MGAT4C: variants seen among roughly 807,000 people sequenced by gnomAD.
The protein encoded by MGAT4C is MGAT4 family member C.
A neutral mutation model predicts 40.1 loss-of-function variants in MGAT4C; 19 were observed. The observed-to-expected ratio is 0.47, with a 90% CI of 0.33 to 0.70. The LOEUF (loss-of-function observed/expected upper bound fraction) is 0.70, where lower values mean the gene tolerates loss of function less well. Ranked by LOEUF, MGAT4C falls within the 30% of genes least tolerant of loss-of-function variation. MGAT4C has a pLI of 0.02. For missense variants in MGAT4C, 491 were observed against 563.2 expected (o/e 0.87, Z 1.30); for synonymous variants, 181 against 187.1 (o/e 0.97, Z 0.27).
At chr12:85,990,288 T>C (rs751329978) in intron 2 of MGAT4C, among the ~76,000 whole-genome samples, 1 of 152,164 alleles carries the variant, frequency 6.6e-6, no homozygotes, top group Non-Finnish European at 1.5e-5. Context: ...AAAAAATTTT[T>C]ACTCTTCTAT....
intron 4 of MGAT4C, among the ~76,000 whole-genome samples, chr12:86,269,390 G>A (rs546040323): frequency 4.6e-5 from 7 of 151,124 alleles, no homozygotes; most frequent in African/African-American, 1.5e-4. Context: ...ATTTATATAA[G>A]TGTAGTCCTG....
intron 4 of MGAT4C, among the ~76,000 whole-genome samples, chr12:86,280,023 T>G (rs1953173715): frequency 6.6e-6 from 1 of 152,118 alleles, no homozygotes; most frequent in Non-Finnish European, 1.5e-5. Context: ...TTGAATGTTT[T>G]AAGACTTACT....
At chr12:86,131,862 C>A in intron 1 of MGAT4C, among the ~76,000 whole-genome samples, 1 of 151,962 alleles carries the variant, frequency 6.6e-6, no homozygotes, top group East Asian at 1.9e-4. Context: ...TTATAGCAGC[C>A]ATAATTAATA....
In MGAT4C at chr12:86,589,869, G is replaced by A. The variant is rs138032424; in HGVS notation, c.-229+137340C>T. ...TTACTTGGAAGTAAAATGTTCCCAA[G>A]CACAAACAAAAGCACAAGGCCTAAA... On this transcript the variant is annotated intron_variant, in intron 2 of 7. Coordinates refer to the MGAT4C transcript ENST00000548651. 3.7e-3 allele frequency among the ~76,000 whole-genome samples: 558 copies of A among 152,038 alleles called. 1 individual carries two copies. Among genetic ancestry groups the A allele is most frequent in the African/African-American group, 0.013 (530 of 41,520 alleles).
At position 86,619,878 on chromosome 12, in the gene MGAT4C, G is replaced by GA. The variant is rs541369916; in HGVS notation, c.-229+107330dup. Among the ~76,000 whole-genome samples, 466 of 152,184 alleles carry GA rather than the reference G, an allele frequency of 3.1e-3. 1 individual carries two copies. The highest frequency in any genetic ancestry group is 5.0e-3 in the Non-Finnish European group (340 of 67,964). ...CCACTAGCTTGCAAACTTATTAAGG[G>GA]AAAAAACCTTGTAAAAATCCTCTGA... On this transcript the variant is annotated intron_variant, in intron 2 of 7. Transcript: ENST00000548651.
rs138705225 is a variant in MGAT4C at position 86,382,120 on chromosome 12, T to C, written c.-119-47993A>G. ...GAGGGCTCAGAAGAATACAAGAAAA[T>C]GTGGGAACATTTGGAACTCCTGAGA... On this transcript the variant is annotated intron_variant, in intron 3 of 7. Transcript: ENST00000548651. 2.3e-3 allele frequency among the ~76,000 whole-genome samples: 351 copies of C among 152,206 alleles called. 1 individual carries two copies. Among genetic ancestry groups the C allele is most frequent in the African/African-American group, 7.8e-3 (324 of 41,526 alleles).
intron 2 of MGAT4C, among the ~76,000 whole-genome samples, chr12:86,586,782 A>C (rs1961063356): frequency 6.6e-6 from 1 of 151,652 alleles, no homozygotes; most frequent in Non-Finnish European, 1.5e-5. Context: ...TCCTTCGCCC[A>C]CTTTTTGATG....
chr12:86,621,658 T>C (rs1011003490), intron 2 of MGAT4C, among the ~76,000 whole-genome samples: 2 of 152,070 alleles, frequency 1.3e-5, no homozygotes, highest in Non-Finnish European at 2.9e-5. Flanking sequence ...TTTTATAGTT[T>C]TGTACAGACA....
At chr12:86,558,755 T>C (rs2136405456) in intron 2 of MGAT4C, among the ~76,000 whole-genome samples, 1 of 151,192 alleles carries the variant, frequency 6.6e-6, no homozygotes, top group Middle Eastern at 3.4e-3. Context: ...TAGAAAGGAG[T>C]CAAACATTAC....
intron 3 of MGAT4C, among the ~76,000 whole-genome samples, chr12:86,406,044 AATT>A (rs1565738235): frequency 6.9e-6 from 1 of 144,908 alleles, no homozygotes; most frequent in East Asian, 2.0e-4. Context: ...AATTATATAT[AATT>A]ATTATATATA....
At chr12:86,659,963 C>T (rs570350985) in intron 2 of MGAT4C, among the ~76,000 whole-genome samples, 1 of 151,292 alleles carries the variant, frequency 6.6e-6, no homozygotes, top group South Asian at 2.1e-4. Flanking sequence ...ATTAGCATGT[C>T]AGAACGAGGA....
Position 86,774,319 on chromosome 12 carries a change from C to CT in MGAT4C, c.-261-47079dup, listed in dbSNP as rs371888109. Among the ~76,000 whole-genome samples the CT allele has an allele frequency of 1.8e-3, 169 of 93,720 alleles. 19 individuals are homozygous for CT. The highest frequency in any genetic ancestry group is 5.8e-3 in the African/African-American group (145 of 25,104). 61.5% of individuals were successfully genotyped at this position (93,720 alleles called of 152,430 possible). A position where few individuals can be genotyped will look rare whatever the true frequency, so the allele number is the denominator to read the frequency against. The stretch of plus-strand genomic sequence containing the variant: ...TCTTTCTTTCTTTCTTTCTTTCTTT[C>CT]TTTCTTTCTTTCTTTCTTTCTGTCT... On this transcript the variant is annotated intron_variant, in intron 1 of 7. Coordinates refer to the MGAT4C transcript ENST00000548651.
intron 2 of MGAT4C, among the ~76,000 whole-genome samples, chr12:86,508,587 C>G (rs1958514559): frequency 6.6e-6 from 1 of 151,712 alleles, no homozygotes; most frequent in Non-Finnish European, 1.5e-5. Context: ...AATGGGATGG[C>G]TGGGTCAAAT....
intron 2 of MGAT4C, among the ~76,000 whole-genome samples, chr12:86,460,691 T>TAC (rs1957585443): frequency 6.6e-6 from 1 of 152,072 alleles, no homozygotes; most frequent in Admixed American, 6.6e-5. Context: ...ATGATATATA[T>TAC]ATATATAGCT....
intron 2 of MGAT4C, among the ~76,000 whole-genome samples, chr12:86,638,086 G>A (rs1226332156): frequency 2.0e-5 from 3 of 148,454 alleles, no homozygotes; most frequent in Non-Finnish European, 4.5e-5. Flanking sequence ...AATTTTATCC[G>A]TAAACAATTT....
chr12:86,739,133 C>CAAAA lies in MGAT4C; in HGVS notation c.-261-11896_-261-11893dup, dbSNP rs59869666. On this transcript the variant is annotated intron_variant, in intron 1 of 7. Transcript: ENST00000548651. ...TTTAATTCAGCTATGTTTCCCTGTGCAAAAAAAAAAAAAAAAAAAAAAAAA... is the reference window on the plus strand; with the variant it reads ...TTTAATTCAGCTATGTTTCCCTGTGCAAAAAAAAAAAAAAAAAAAAAAAAAAAAA... 4.1e-3 allele frequency among the ~76,000 whole-genome samples: 165 copies of CAAAA among 39,798 alleles called. 11 individuals carry two copies. Among genetic ancestry groups the CAAAA allele is most frequent in the Admixed American group, 3.8e-3 (9 of 2,390 alleles). The allele number at this position is 39,798 out of a possible 152,430, so 26.1% of individuals were successfully genotyped here.
At chr12:86,756,783 A>G (rs979385750) in intron 1 of MGAT4C, among the ~76,000 whole-genome samples, 1 of 152,158 alleles carries the variant, frequency 6.6e-6, no homozygotes, top group African/African-American at 2.4e-5. Flanking sequence ...TACAGAGTAT[A>G]AAGGCAGGTG....
At chr12:86,687,097 T>A (rs976858170) in intron 2 of MGAT4C, among the ~76,000 whole-genome samples, 1 of 152,358 alleles carries the variant, frequency 6.6e-6, no homozygotes, top group Admixed American at 6.5e-5. Flanking sequence ...CAGGAATTTA[T>A]CCATTTCTTC....
chr12:86,596,803 C>T (rs1282177504), intron 2 of MGAT4C, among the ~76,000 whole-genome samples: 2 of 151,994 alleles, frequency 1.3e-5, no homozygotes, highest in African/African-American at 2.4e-5. Context: ...ATATTTTGAC[C>T]AAAATGGGGG....
Sources: gnomAD v4.1 joint callset for allele counts (sites outside exome capture counted in the v4.1 genomes callset) on GRCh38, gnomAD v4.1.1 for gene constraint, MANE v1.5 for transcripts, NCBI Gene and HGNC (gene_info 2026-07-23, HGNC 2026-07-21) for gene names.